The following RTTN variants were observed in gnomAD, a reference collection of about 807,000 sequenced individuals.
RTTN encodes rotatin.
Under a neutral mutation model 269.2 loss-of-function variants are expected in RTTN, and 182 were observed. That is an observed-to-expected ratio of 0.68 (90% CI 0.60 to 0.76). The LOEUF is 0.76. RTTN is among the 30% of genes least tolerant of loss of function. RTTN has a pLI of 0.00. For missense variants in RTTN, 2,545 were observed against 2,608.6 expected, an observed-to-expected ratio of 0.98 and a Z score of 0.53; for synonymous variants, 1,006 against 963.5, an observed-to-expected ratio of 1.04 and a Z score of -0.82.
At chr18:70,056,619 T>A (rs2057824624) in intron 37 of RTTN, among the ~76,000 whole-genome samples, 1 of 152,150 alleles carries the variant, frequency 6.6e-6, no homozygotes, top group Non-Finnish European at 1.5e-5. Context: ...TGGCCTCATC[T>A]TGCCCTCATA....
intron 26 of RTTN, 137 bp from the exon 27 acceptor site, chr18:70,114,736 T>C (rs892546105): frequency 8.1e-6 from 4 of 492,944 alleles, no homozygotes; most frequent in African/African-American, 7.9e-5. Context: ...ACTGCATTAG[T>C]AGAGATGTTC....
rs374045309 is a variant in RTTN, at chr18:70,142,411, AC to A, written c.2482-25del. 88 of 1,015,458 alleles carry A rather than the reference AC, an allele frequency of 8.7e-5. No homozygotes were observed. In the African/African-American group the frequency reaches 1.1e-3, roughly 13 times the overall value. The allele number at this position is 1,015,458 out of a possible 1,614,324, so 62.9% of individuals were successfully genotyped here. ...AACTACAAACCAAAAAAAAAAAAAA[AC>A]CAAAATTACATTTATCTGCTTCCAA... On this transcript the variant is annotated intron_variant, in intron 18 of 48. Transcript: ENST00000640769.
Position 70,017,401 on chromosome 18 carries a change from A to C in RTTN, c.6421+6T>G. On this transcript the variant is annotated splice_donor_region_variant and intron_variant, in intron 46 of 48. Coordinates refer to ENST00000640769, the MANE Select transcript of RTTN (RefSeq NM_173630.4). ...TATATAAATGTATGTGTGTGTGAAA[A>C]CTTACCATTAGCCAGGATCTTGGGT... 6.2e-7 allele frequency: 1 copy of C among 1,612,676 alleles called. No individual in the cohort carries two copies. Among genetic ancestry groups the C allele is most frequent in the Non-Finnish European group, 8.5e-7 (1 of 1,179,116 alleles).
rs1247255755 is a variant in RTTN, at chr18:70,029,862, CA to C, written c.5745+149del. On this transcript the variant is annotated intron_variant, in intron 42 of 48. Coordinates refer to ENST00000640769, the MANE Select transcript of RTTN (RefSeq NM_173630.4). ...AAGAATTAAGACCAAAAAAAGCCAA[CA>C]ATCTGCTAATGTAGAAGTCTCATTA... 8 of 563,566 alleles carry C rather than the reference CA, an allele frequency of 1.4e-5. No individual in the cohort carries two copies. The South Asian group carries it at 1.6e-4, about 11-fold the overall frequency. 34.9% of individuals were successfully genotyped at this position (563,566 alleles called of 1,614,324 possible).
chr18:70,160,584 G>T (rs1390103572), intron 14 of RTTN, among the ~76,000 whole-genome samples: 2 of 148,782 alleles, frequency 1.3e-5, no homozygotes, highest in Non-Finnish European at 3.0e-5. Context: ...GATCAATCAG[G>T]CAAGAAAAAT....
At chr18:70,086,909 C>A (rs1370998857) in intron 31 of RTTN, among the ~76,000 whole-genome samples, 4 of 151,940 alleles carry the variant, frequency 2.6e-5, no homozygotes, top group Admixed American at 1.3e-4. Flanking sequence ...AATGACCTAA[C>A]AGCATATGAA....
rs371026322 is a variant in RTTN, at chr18:70,048,154, C to A, written c.5358G>T (p.Thr1786=). ...AGCTGGCAGTATACAGGGCAGGACA[C>A]GTGGCAGACAAGCCTGCACATGTGC... ...MFCTCAGLSA[T]CPALYTASLQ... is the part of the protein sequence containing the mutation. Residue 1786 remains threonine, a synonymous_variant, in exon 40 of 49, where the codon ACG becomes ACT. Transcript: ENST00000640769. 2.5e-6 allele frequency: 4 copies of A among 1,613,874 alleles called. No individual in the cohort carries two copies. The African/African-American group carries it at 5.3e-5, about 22-fold the overall frequency.
chr18:70,012,826 C>A (rs931619662), intron 46 of RTTN, among the ~76,000 whole-genome samples: 1 of 152,176 alleles, frequency 6.6e-6, no homozygotes, highest in Non-Finnish European at 1.5e-5. Context: ...ATTAGACCAA[C>A]CACAATGCTA....
At chr18:70,173,745 C>A (rs1218069539) in intron 11 of RTTN, among the ~76,000 whole-genome samples, 1 of 151,982 alleles carries the variant, frequency 6.6e-6, no homozygotes, top group African/African-American at 2.4e-5. Context: ...TCAGAGATAA[C>A]CTCACGTTTA....
intron 40 of RTTN, among the ~76,000 whole-genome samples, chr18:70,035,470 C>T (rs1422111300): frequency 1.3e-5 from 2 of 152,214 alleles, no homozygotes; most frequent in Non-Finnish European, 2.9e-5. Context: ...AAAGAACTCC[C>T]TGTTCGATAA....
chr18:70,081,407 C>G (rs1030750533), intron 32 of RTTN, among the ~76,000 whole-genome samples: 1 of 152,120 alleles, frequency 6.6e-6, no homozygotes, highest in Non-Finnish European at 1.5e-5. Flanking sequence ...CAGAGCACCT[C>G]CTTCCAAAAG....
intron 45 of RTTN, 78 bp downstream of exon 45, chr18:70,020,537 T>C (rs915076438): frequency 3.2e-6 from 4 of 1,269,132 alleles, no homozygotes; most frequent in East Asian, 2.3e-5. Context: ...ATCTTAGAAA[T>C]TGAGTTGTAA....
intron 34 of RTTN, among the ~76,000 whole-genome samples, chr18:70,066,397 C>T (rs2058135301): frequency 6.6e-6 from 1 of 152,124 alleles, no homozygotes; most frequent in African/African-American, 2.4e-5. Context: ...AGGAAGAACA[C>T]TAAAAAATTG....
chr18:70,042,552 G>A (rs1290678875), intron 40 of RTTN, among the ~76,000 whole-genome samples: 1 of 151,526 alleles, frequency 6.6e-6, no homozygotes, highest in African/African-American at 2.4e-5. Context: ...ATTTTTTTGT[G>A]TTTTTAGTAG....
rs907738751 is a variant in RTTN, at chr18:70,106,747, G to A, written c.3903+2751C>T. On this transcript the variant is annotated intron_variant, in intron 28 of 48. Transcript: ENST00000640769. ...AATTTATGTTTCTGAAAAATAATCT[G>A]GCAATAGGTAGAGATTATATGATGT... Among the ~76,000 whole-genome samples, 6 of 151,788 alleles carry A rather than the reference G, an allele frequency of 4.0e-5. 1 individual carries two copies. Among genetic ancestry groups the A allele is most frequent in the African/African-American group, 7.3e-5 (3 of 41,310 alleles).
At position 70,009,573 on chromosome 18, in the gene RTTN, G is replaced by A. The variant is rs576959508; in HGVS notation, c.6422-3089C>T. On this transcript the variant is annotated intron_variant, in intron 46 of 48. Transcript: ENST00000640769. Reference sequence around the variant, plus strand: ...GCAGCCCTACCTTACAAGAGCTCCTGAAGGAAGCACTAAATATGGAAAGGA... The same window carrying A: ...GCAGCCCTACCTTACAAGAGCTCCTAAAGGAAGCACTAAATATGGAAAGGA... Among the ~76,000 whole-genome samples the A allele has an allele frequency of 3.9e-5, 6 of 152,250 alleles. No individual in the cohort carries two copies. The East Asian group carries it at 9.6e-4, about 24-fold the overall frequency.
At chr18:70,031,284 G>A (rs2057005081) in intron 40 of RTTN, 1 of 470,726 alleles carries the variant, frequency 2.1e-6, no homozygotes. Flanking sequence ...AGCGCATATT[G>A]TATATATATG....
At chr18:70,047,419 A>G (rs1410675383) in intron 40 of RTTN, among the ~76,000 whole-genome samples, 1 of 152,224 alleles carries the variant, frequency 6.6e-6, no homozygotes, top group Non-Finnish European at 1.5e-5. Flanking sequence ...ATGTTTTCTG[A>G]TTAACAAAAT....
At chr18:70,053,108 A>G (rs2057721639) in intron 38 of RTTN, among the ~76,000 whole-genome samples, 1 of 152,178 alleles carries the variant, frequency 6.6e-6, no homozygotes, top group Non-Finnish European at 1.5e-5. Context: ...GCTGTCATCT[A>G]TTCACCACAG....
Sources: allele counts gnomAD v4.1 joint callset (sites outside exome capture counted in the v4.1 genomes callset), GRCh38; gene constraint gnomAD v4.1.1; transcripts MANE v1.5; gene names NCBI Gene and HGNC (gene_info 2026-07-23, HGNC 2026-07-21).